CPEB1: variants seen among roughly 807,000 people sequenced by gnomAD.
CPEB1 encodes the protein cytoplasmic polyadenylation element binding protein 1, also known as cytoplasmic polyadenylation element-binding protein 1.
In CPEB1, 7 loss-of-function variants were observed where a neutral mutation model predicts 65.8. The observed-to-expected ratio is 0.11, with a 90% CI of 0.06 to 0.20. The LOEUF is 0.20. Among genes scored for constraint, CPEB1 ranks in the 10% least tolerant of loss-of-function variants. The probability of loss-of-function intolerance (pLI) is 1.00; values close to 1 mark genes in which losing one functional copy is unlikely to be tolerated. For synonymous variants in CPEB1, 262 were observed against 260.0 expected (o/e 1.01, Z -0.08); for missense variants, 551 against 712.2 (o/e 0.77, Z 2.58).
At chr15:82,591,658 T>C (rs1052577887) in intron 3 of CPEB1, among the ~76,000 whole-genome samples, 1 of 152,142 alleles carries the variant, frequency 6.6e-6, no homozygotes, top group Admixed American at 6.5e-5. Context: ...TCTATTCATG[T>C]CCTTTTCAGG....
In CPEB1 at chr15:82,612,789, GCA is replaced by G. The variant is rs2044297670; in HGVS notation, c.271+14402_271+14403del. ...GCGGAGGTTGCAGTAAGCCAAGACTGCACCACTGCACTCCAGCCTGGGCAACA... is the reference window on the plus strand; with the variant it reads ...GCGGAGGTTGCAGTAAGCCAAGACTGCCACTGCACTCCAGCCTGGGCAACA... On this transcript the variant is annotated intron_variant, in intron 3 of 12. Coordinates refer to ENST00000684509, the MANE Select transcript of CPEB1 (RefSeq NM_001365242.1). Among the ~76,000 whole-genome samples, 4 of 151,782 alleles carry G rather than the reference GCA, an allele frequency of 2.6e-5. No homozygotes were observed. In the South Asian group the frequency reaches 8.3e-4, roughly 32 times the overall value.
intron 3 of CPEB1, among the ~76,000 whole-genome samples, chr15:82,590,620 G>C (rs1385644602): frequency 6.6e-6 from 1 of 152,132 alleles, no homozygotes. Context: ...AGTACCCAAT[G>C]CTTGTTTTTT....
In CPEB1 at chr15:82,615,800, G is replaced by A. The variant is rs2044654486; in HGVS notation, c.271+11393C>T. Among the ~76,000 whole-genome samples, 3 of 152,116 alleles carry A rather than the reference G, an allele frequency of 2.0e-5. No individual in the cohort carries two copies. The South Asian group carries it at 6.2e-4, about 32-fold the overall frequency. On this transcript the variant is annotated intron_variant, in intron 3 of 12. Coordinates refer to ENST00000684509, the MANE Select transcript of CPEB1 (RefSeq NM_001365242.1). ...AAAAGTACCCAGCAACTTGAAGTGT[G>A]AAGACAATATACCAAACTCTGCAAT...
intron 4 of CPEB1, among the ~76,000 whole-genome samples, chr15:82,567,653 A>G (rs932834170): frequency 3.3e-5 from 5 of 151,874 alleles, no homozygotes; most frequent in African/African-American, 1.2e-4. Flanking sequence ...AAAAGAAAAG[A>G]AAAGAAAACC....
intron 1 of CPEB1, among the ~76,000 whole-genome samples, chr15:82,632,143 G>A (rs2046307957): frequency 6.6e-6 from 1 of 151,474 alleles, no homozygotes. Context: ...CACCACGCCC[G>A]GCTCATTTTT....
chr15:82,549,324 G>T (rs995865143), intron 10 of CPEB1, 136 bp downstream of exon 10: 15 of 795,192 alleles, frequency 1.9e-5, no homozygotes, highest in Non-Finnish European at 2.9e-5. Flanking sequence ...TCTAGAAAAA[G>T]ATATTATGGT....
Position 82,546,583 on chromosome 15 carries a change from TAGA to T in CPEB1, c.1576-65_1576-63del, listed in dbSNP as rs368598505. On this transcript the variant is annotated intron_variant, in intron 11 of 12. Transcript: ENST00000684509. ...TCTTACCAGGAGGCTCGATAGGCGA[TAGA>T]AGAAGGGCACATTATTGGCCACACA... The T allele has an allele frequency of 1.3e-4, 153 of 1,222,364 alleles. No homozygotes were observed. In the African/African-American group the frequency reaches 2.1e-3, roughly 16 times the overall value. The allele number at this position is 1,222,364 out of a possible 1,614,324, so 75.7% of individuals were successfully genotyped here. A position where few individuals can be genotyped will look rare whatever the true frequency, so the allele number is the denominator to read the frequency against.
intron 4 of CPEB1, 56 bp downstream of exon 4, chr15:82,571,288 C>T (rs1596042987): frequency 3.2e-6 from 5 of 1,563,952 alleles, no homozygotes; most frequent in East Asian, 4.5e-5. Context: ...TGGATATCTT[C>T]GTTCACCACC....
intron 4 of CPEB1, among the ~76,000 whole-genome samples, chr15:82,559,445 A>G (rs2037813492): frequency 6.6e-6 from 1 of 152,186 alleles, no homozygotes; most frequent in Admixed American, 6.5e-5. Context: ...AGACTGTCAT[A>G]ATACTGTTTT....
At chr15:82,610,695 C>T (rs2044046323) in intron 3 of CPEB1, among the ~76,000 whole-genome samples, 3 of 151,840 alleles carry the variant, frequency 2.0e-5, no homozygotes, top group Admixed American at 2.0e-4. Flanking sequence ...CGGTCACTCA[C>T]GCCTGTAATC....
chr15:82,631,549 T>C (rs2046247651), intron 1 of CPEB1, among the ~76,000 whole-genome samples: 1 of 152,186 alleles, frequency 6.6e-6, no homozygotes, highest in Non-Finnish European at 1.5e-5. Flanking sequence ...ATAAAGTACT[T>C]AGCATAGGGC....
intron 1 of CPEB1, among the ~76,000 whole-genome samples, chr15:82,637,745 A>C (rs1470302023): frequency 1.3e-5 from 2 of 152,194 alleles, no homozygotes; most frequent in African/African-American, 2.4e-5. Context: ...GAAAGTACAA[A>C]TCTAATCACC....
At chr15:82,564,760 G>T (rs2038842257) in intron 4 of CPEB1, among the ~76,000 whole-genome samples, 2 of 152,118 alleles carry the variant, frequency 1.3e-5, no homozygotes, top group Non-Finnish European at 2.9e-5. Flanking sequence ...AAGAGAAAAA[G>T]GTTGAAGAAA....
In CPEB1 at chr15:82,564,446, C is replaced by T. The variant is rs148495949; in HGVS notation, c.461-6460G>A. On this transcript the variant is annotated intron_variant, in intron 4 of 12. Transcript: ENST00000684509. ...GACTACAGGCACCTGCCACCACACCCGGCTAATTTTGTGTGTGTGTGTGTT... is the reference window on the plus strand; with the variant it reads ...GACTACAGGCACCTGCCACCACACCTGGCTAATTTTGTGTGTGTGTGTGTT... 9.3e-3 allele frequency among the ~76,000 whole-genome samples: 1,401 copies of T among 151,112 alleles called. 5 individuals carry two copies. Among genetic ancestry groups the T allele is most frequent in the Non-Finnish European group, 0.014 (955 of 67,928 alleles).
At chr15:82,598,541 T>C (rs1351476294) in intron 3 of CPEB1, among the ~76,000 whole-genome samples, 1 of 151,956 alleles carries the variant, frequency 6.6e-6, no homozygotes. Flanking sequence ...TCTCAGTATT[T>C]TGGGAGGCGG....
intron 4 of CPEB1, 148 bp from the exon 5 acceptor site, chr15:82,558,134 T>C (rs1022697962): frequency 4.9e-5 from 28 of 572,326 alleles, no homozygotes; most frequent in African/African-American, 7.5e-5. Context: ...TGAACAGATA[T>C]ATATCCAGCT....
chr15:82,599,313 A>G (rs2042915692), intron 3 of CPEB1, among the ~76,000 whole-genome samples: 1 of 152,176 alleles, frequency 6.6e-6, no homozygotes, highest in South Asian at 2.1e-4. Context: ...ACCCTTCACG[A>G]TAGGTACTAG....
chr15:82,614,369 T>C (rs1457779311), intron 3 of CPEB1, among the ~76,000 whole-genome samples: 3 of 152,210 alleles, frequency 2.0e-5, no homozygotes, highest in Admixed American at 2.0e-4. Context: ...CTGATTAAAA[T>C]ATACAGGTGT....
At chr15:82,587,409 C>G (rs532270440) in intron 3 of CPEB1, among the ~76,000 whole-genome samples, 3 of 152,190 alleles carry the variant, frequency 2.0e-5, no homozygotes, top group Non-Finnish European at 2.9e-5. Context: ...ATTGCGAAAA[C>G]TGAAAATAAC....
Sources: allele counts gnomAD v4.1 joint callset (sites outside exome capture counted in the v4.1 genomes callset), GRCh38; gene constraint gnomAD v4.1.1; transcripts MANE v1.5; gene names NCBI Gene and HGNC (gene_info 2026-07-23, HGNC 2026-07-21).